The following WWOX variants were observed in gnomAD, a reference collection of about 807,000 sequenced individuals.
WWOX encodes the protein WW domain-containing oxidoreductase.
In WWOX, 69 loss-of-function variants were observed where a neutral mutation model predicts 46.2. That is an observed-to-expected ratio of 1.49 (90% CI 1.23 to 1.82). The LOEUF (loss-of-function observed/expected upper bound fraction) is 1.82. WWOX is among the 40% of genes most tolerant of loss of function. The pLI is 0.00. For synonymous variants in WWOX, 359 were observed against 202.6 expected (o/e 1.77, Z -6.56); for missense variants, 919 against 542.6 (o/e 1.69, Z -6.89).
chr16:78,847,903 T>G (rs1050155564), intron 8 of WWOX, among the ~76,000 whole-genome samples: 1 of 152,184 alleles, frequency 6.6e-6, no homozygotes, highest in Admixed American at 6.5e-5. Context: ...ACTGGGACTT[T>G]CTGTTTCGTT....
At chr16:78,797,346 G>A (rs2050765315) in intron 8 of WWOX, among the ~76,000 whole-genome samples, 1 of 100,236 alleles carries the variant, frequency 1.0e-5, no homozygotes, top group Non-Finnish European at 1.9e-5. Context: ...GCAATTTTAA[G>A]GGTCAAAGTG....
chr16:78,183,946 C>T (rs934283382), intron 5 of WWOX, among the ~76,000 whole-genome samples: 5 of 152,166 alleles, frequency 3.3e-5, no homozygotes, highest in African/African-American at 1.2e-4. Flanking sequence ...CTGTGCCTTT[C>T]GGCTTGCATC....
At chr16:78,852,245 T>G (rs1000767739) in intron 8 of WWOX, among the ~76,000 whole-genome samples, 1 of 152,176 alleles carries the variant, frequency 6.6e-6, no homozygotes, top group East Asian at 1.9e-4. Flanking sequence ...GGGTTTTACA[T>G]TGCAGTATAT....
intron 8 of WWOX, among the ~76,000 whole-genome samples, chr16:78,683,672 G>T (rs578247851): frequency 3.9e-5 from 6 of 152,280 alleles, no homozygotes; most frequent in Non-Finnish European, 5.9e-5. Flanking sequence ...AAAGTGCTGG[G>T]ATTACAGGCA....
At chr16:78,829,934 A>T (rs1478509860) in intron 8 of WWOX, among the ~76,000 whole-genome samples, 1 of 152,158 alleles carries the variant, frequency 6.6e-6, no homozygotes, top group Non-Finnish European at 1.5e-5. Context: ...TCAGCAGAGG[A>T]AAAATGATGT....
intron 8 of WWOX, among the ~76,000 whole-genome samples, chr16:78,454,282 C>T (rs1310337583): frequency 6.6e-6 from 1 of 152,088 alleles, no homozygotes; most frequent in African/African-American, 2.4e-5. Context: ...TCTAAAACAG[C>T]ATCTCTCAAA....
At chr16:78,422,271 A>G (rs942928980) in intron 6 of WWOX, among the ~76,000 whole-genome samples, 6 of 152,122 alleles carry the variant, frequency 3.9e-5, no homozygotes, top group African/African-American at 1.4e-4. Flanking sequence ...TTTAATTTCT[A>G]TAAAGATTTT....
intron 5 of WWOX, among the ~76,000 whole-genome samples, chr16:78,225,298 A>T (rs1567439833): frequency 6.6e-6 from 1 of 152,218 alleles, no homozygotes; most frequent in Non-Finnish European, 1.5e-5. Flanking sequence ...CAGTGAAAAT[A>T]TGGTATTATA....
At chr16:79,146,506 C>T (rs1326061291) in intron 8 of WWOX, among the ~76,000 whole-genome samples, 1 of 152,128 alleles carries the variant, frequency 6.6e-6, no homozygotes, top group Non-Finnish European at 1.5e-5. Flanking sequence ...TTTCAAAACT[C>T]ATAACTATAT....
At chr16:78,648,091 T>C (rs2046884685) in intron 8 of WWOX, among the ~76,000 whole-genome samples, 1 of 152,216 alleles carries the variant, frequency 6.6e-6, no homozygotes, top group Admixed American at 6.5e-5. Flanking sequence ...TTGGAGAAGA[T>C]GAAGCCAGAG....
Position 78,981,164 on chromosome 16 carries a change from C to A in WWOX, c.1057-230444C>A, listed in dbSNP as rs1050033438. ...GAGGACCGTTGTACTGCAGCACTTT[C>A]CTAAACTCTGCATGTGGTCTCCATG... On this transcript the variant is annotated intron_variant, in intron 8 of 8. Transcript: ENST00000566780. Among the ~76,000 whole-genome samples, 6 of 152,282 alleles carry A rather than the reference C, an allele frequency of 3.9e-5. No homozygotes were observed. The South Asian group carries it at 1.2e-3, about 32-fold the overall frequency.
chr16:78,485,770 C>G (rs1180468231), intron 8 of WWOX, among the ~76,000 whole-genome samples: 1 of 152,232 alleles, frequency 6.6e-6, no homozygotes. Flanking sequence ...AAGGATCCCT[C>G]TCCCCAGCAT....
At chr16:78,587,216 T>TTTTTTTTTTTTTTTTTTTTG (rs2045230607) in intron 8 of WWOX, among the ~76,000 whole-genome samples, 1 of 135,064 alleles carries the variant, frequency 7.4e-6, no homozygotes, top group African/African-American at 3.0e-5. Flanking sequence ...TTTTTTTTTT[T>TTTTTTTTTTTTTTTTTTTTG]GTAGAAACAG....
chr16:78,175,507 T>A (rs762083160), intron 5 of WWOX, among the ~76,000 whole-genome samples: 2 of 152,182 alleles, frequency 1.3e-5, no homozygotes, highest in Non-Finnish European at 2.9e-5. Flanking sequence ...GGCTTCTTCT[T>A]GCTCACTCTC....
chr16:78,855,286 G>C (rs1042540447), intron 8 of WWOX, among the ~76,000 whole-genome samples: 33 of 152,206 alleles, frequency 2.2e-4, no homozygotes, highest in Middle Eastern at 3.4e-3. Context: ...ATTTATAGGA[G>C]TCATCTTCTT....
chr16:78,364,609 CTGTT>C (rs201834592), intron 5 of WWOX, among the ~76,000 whole-genome samples: 1,679 of 151,702 alleles, frequency 0.011, 13 homozygotes, highest in Middle Eastern at 0.034. Context: ...TAAAAATAAA[CTGTT>C]TGTCGTGACT....
intron 8 of WWOX, among the ~76,000 whole-genome samples, chr16:79,071,566 G>A (rs535033421): frequency 1.3e-5 from 2 of 152,342 alleles, no homozygotes; most frequent in South Asian, 4.1e-4. Context: ...AGAGTCCTAA[G>A]AAAGGCTTCA....
At chr16:79,202,408 G>A (rs562284368) in intron 8 of WWOX, among the ~76,000 whole-genome samples, 9 of 152,138 alleles carry the variant, frequency 5.9e-5, no homozygotes, top group Non-Finnish European at 1.2e-4. Context: ...ACATTCCGTC[G>A]AGATTCTTTT....
At chr16:78,405,471 C>A (rs1025523235) in intron 6 of WWOX, among the ~76,000 whole-genome samples, 1 of 152,178 alleles carries the variant, frequency 6.6e-6, no homozygotes, top group African/African-American at 2.4e-5. Context: ...TCACTGGCCA[C>A]CCAAGCTGAT....
Sources: gnomAD v4.1 joint callset for allele counts (sites outside exome capture counted in the v4.1 genomes callset) on GRCh38, gnomAD v4.1.1 for gene constraint, MANE v1.5 for transcripts, NCBI Gene and HGNC (gene_info 2026-07-23, HGNC 2026-07-21) for gene names.